Variants in POLD1 observed in about 807,000 individuals in gnomAD.
POLD1 encodes the protein DNA polymerase delta catalytic subunit.
A neutral mutation model predicts 129.7 loss-of-function variants in POLD1; 79 were observed. The observed-to-expected ratio is 0.61, with a 90% CI of 0.51 to 0.73. POLD1 has a LOEUF of 0.73. POLD1 is among the 30% of genes least tolerant of loss of function. The probability of loss-of-function intolerance (pLI) is 0.00; values close to 1 mark genes in which losing one functional copy is unlikely to be tolerated. For synonymous variants in POLD1, 714 were observed against 683.3 expected, an observed-to-expected ratio of 1.04 and a Z score of -0.70; for missense variants, 1,338 against 1,595.8, an observed-to-expected ratio of 0.84 and a Z score of 2.75.
chr19:50,387,203 G>A (rs2123705936), intron 1 of POLD1, among the ~76,000 whole-genome samples: 1 of 152,124 alleles, frequency 6.6e-6, no homozygotes, highest in East Asian at 1.9e-4. Context: ...TGTAATCCCA[G>A]CTACCTGCGA....
chr19:50,396,653 T>C (rs549304765), intron 1 of POLD1, among the ~76,000 whole-genome samples: 77 of 151,716 alleles, frequency 5.1e-4, no homozygotes, highest in Non-Finnish European at 9.3e-4. Context: ...AATTTTTTTG[T>C]ATTTTTTTAG....
At chr19:50,389,021 T>A (rs2038063013) in intron 1 of POLD1, among the ~76,000 whole-genome samples, 1 of 151,784 alleles carries the variant, frequency 6.6e-6, no homozygotes, top group Non-Finnish European at 1.5e-5. Context: ...TTAGTAAAGA[T>A]GGGGTTTCAC....
In POLD1 at chr19:50,417,823, C is replaced by CCCTGA; in HGVS notation, c.3219-17_3219-16insTGACC. On this transcript the variant is annotated intron_variant, in intron 26 of 26. Coordinates refer to ENST00000440232, the MANE Select transcript of POLD1 (RefSeq NM_002691.4). ...TGGGCCTTGGCTGGTCCTGACCCTGCCCCTGCCCCCACCCGCAGCCGGGAC... is the reference window on the plus strand; with the variant it reads ...TGGGCCTTGGCTGGTCCTGACCCTGCCCTGACCCTGCCCCCACCCGCAGCCGGGAC... 3 of 1,523,486 alleles carry CCCTGA rather than the reference C, an allele frequency of 2.0e-6. No individual in the cohort carries two copies. The highest frequency in any genetic ancestry group is 1.4e-5 in the African/African-American group (1 of 72,336). The allele number at this position is 1,523,486 out of a possible 1,614,324, so 94.4% of individuals were successfully genotyped here.
At chr19:50,416,950 G>T in intron 24 of POLD1, 95 bp from the exon 25 acceptor site, 1 of 1,333,954 alleles carries the variant, frequency 7.5e-7, no homozygotes, top group South Asian at 1.4e-5. Flanking sequence ...CCAGCCTCTG[G>T]GGACTTTCAG....
At chr19:50,416,954 C>T in intron 24 of POLD1, 91 bp from the exon 25 acceptor site, 1 of 1,363,980 alleles carries the variant, frequency 7.3e-7, no homozygotes, top group Non-Finnish European at 9.9e-7. Context: ...CCTCTGGGGA[C>T]TTTCAGAAGC....
In POLD1 at chr19:50,409,682, C is replaced by T. The variant is rs545333156; in HGVS notation, c.2154+16C>T. 6.3e-6 allele frequency: 10 copies of T among 1,586,264 alleles called. No individual in the cohort carries two copies. In the South Asian group the frequency reaches 1.0e-4, roughly 16 times the overall value. Reference sequence around the variant, plus strand: ...GATCTCACAGGTGGGCACTCGGGCCCCTGGAAGGCAACTGGGGGCAGGTGG... The same window carrying T: ...GATCTCACAGGTGGGCACTCGGGCCTCTGGAAGGCAACTGGGGGCAGGTGG... On this transcript the variant is annotated intron_variant, in intron 17 of 26. Transcript: ENST00000440232. The surrounding 1 kb of genome is among the most constrained non-coding windows in gnomAD (Gnocchi z 5.8).
chr19:50,417,832 C>T lies in POLD1; in HGVS notation c.3219-10C>T, dbSNP rs1189855264. 5.7e-6 allele frequency: 9 copies of T among 1,573,986 alleles called. No individual in the cohort carries two copies. Among genetic ancestry groups the T allele is most frequent in the African/African-American group, 1.4e-5 (1 of 74,016 alleles). ...GCTGGTCCTGACCCTGCCCCTGCCC[C>T]CACCCGCAGCCGGGACTGCCCCATC... On this transcript the variant is annotated splice_polypyrimidine_tract_variant and intron_variant, in intron 26 of 26. Transcript: ENST00000440232.
In POLD1 at chr19:50,406,649, A is replaced by T. The variant is rs948462986; in HGVS notation, c.1494+132A>T. The stretch of plus-strand genomic sequence containing the variant: ...ACCTGCTGTTATGACCTGTGACCTT[A>T]CCTGACGCCCACTTTTTCCTGACCT... On this transcript the variant is annotated intron_variant, in intron 12 of 26. Coordinates refer to ENST00000440232, the MANE Select transcript of POLD1 (RefSeq NM_002691.4). The surrounding 1 kb of genome is among the most constrained non-coding windows in gnomAD (Gnocchi z 5.5). 7.1e-6 allele frequency: 5 copies of T among 699,336 alleles called. No homozygotes were observed. Among genetic ancestry groups the T allele is most frequent in the African/African-American group, 5.3e-5 (3 of 56,684 alleles). 43.3% of individuals were successfully genotyped at this position (699,336 alleles called of 1,614,324 possible). A position where few individuals can be genotyped will look rare whatever the true frequency, so the allele number is the denominator to read the frequency against.
chr19:50,416,232 GCCCAGAGACTCCGTGA>G (rs1476202565), intron 22 of POLD1, 148 bp from the exon 23 acceptor site: 34 of 663,582 alleles, frequency 5.1e-5, no homozygotes, highest in Non-Finnish European at 8.2e-5. Context: ...AGACTCTGTG[GCCCAGAGACTCCGTGA>G]CCTCCGACCC....
chr19:50,396,445 A>G (rs991262778), intron 1 of POLD1, among the ~76,000 whole-genome samples: 1 of 149,864 alleles, frequency 6.7e-6, no homozygotes, highest in Admixed American at 6.6e-5. Context: ...AGGATATTGT[A>G]TATCTTGTCA....
At chr19:50,396,462 A>G (rs1053327000) in intron 1 of POLD1, among the ~76,000 whole-genome samples, 14 of 143,768 alleles carry the variant, frequency 9.7e-5, no homozygotes, top group Middle Eastern at 3.8e-3. Flanking sequence ...GTCAAAATAC[A>G]CCCCCAAAAT....
At chr19:50,400,211 A>ATTTTTTTTTTTTTT (rs549820323) in intron 3 of POLD1, among the ~76,000 whole-genome samples, 15 of 67,810 alleles carry the variant, frequency 2.2e-4, no homozygotes, top group African/African-American at 1.0e-3. Flanking sequence ...CTGGCCAATA[A>ATTTTTTTTTTTTTT]TTTTTTTTTT....
At position 50,417,877 on chromosome 19, in the gene POLD1, T is replaced by C; in HGVS notation, c.3254T>C (p.Val1085Ala). The C allele has an allele frequency of 6.2e-7, 1 of 1,610,268 alleles. No individual in the cohort carries two copies. The highest frequency in any genetic ancestry group is 8.5e-7 in the Non-Finnish European group (1 of 1,178,620). Residue 1085 changes from valine (V) to alanine (A), a missense_variant, in exon 27 of 27, where the codon GTG becomes GCG. Physicochemically the swap from Val to Ala is moderately conservative, Grantham distance 64. Transcript: ENST00000440232. ...CCCATCTTCTACATGCGCAAGAAGG[T>C]GCGGAAGGACCTGGAAGACCAGGAG... Reference protein sequence around the residue: ...DCPIFYMRKKVRKDLEDQEQL... With the variant: ...DCPIFYMRKKARKDLEDQEQL...
In POLD1 at chr19:50,406,932, ACCT is replaced by A; in HGVS notation, c.1495-48_1495-46del. ...GACCCCCACTTCCTTCTCCTGCTCC[ACCT>A]CCCACCCCCAACCCCTGGTCCCTGA... On this transcript the variant is annotated intron_variant, in intron 12 of 26. Transcript: ENST00000440232. The surrounding 1 kb of genome is among the most constrained non-coding windows in gnomAD (Gnocchi z 5.5). 9.2e-7 allele frequency: 1 copy of A among 1,091,718 alleles called. No homozygotes were observed. The highest frequency in any genetic ancestry group is 1.2e-6 in the Non-Finnish European group (1 of 804,716). 67.6% of individuals were successfully genotyped at this position (1,091,718 alleles called of 1,614,324 possible). A position where few individuals can be genotyped will look rare whatever the true frequency, so the allele number is the denominator to read the frequency against.
At chr19:50,389,104 T>C (rs2038065441) in intron 1 of POLD1, among the ~76,000 whole-genome samples, 1 of 151,790 alleles carries the variant, frequency 6.6e-6, no homozygotes, top group Admixed American at 6.6e-5. Context: ...GTGCTGGGAT[T>C]ACAGGCATGA....
intron 2 of POLD1, 24 bp downstream of exon 2, chr19:50,399,077 C>G: frequency 6.4e-7 from 1 of 1,550,536 alleles, no homozygotes; most frequent in Non-Finnish European, 8.7e-7. Context: ...TTGGAGGTTC[C>G]TGCTGCCCAA....
chr19:50,413,638 G>A, intron 18 of POLD1, 104 bp from the exon 19 acceptor site: 2 of 1,536,070 alleles, frequency 1.3e-6, no homozygotes, highest in South Asian at 1.2e-5. Flanking sequence ...CTCTCCTGTT[G>A]CATCCTTGGG....
At chr19:50,407,288 A>C (rs2122343019) in intron 13 of POLD1, 39 bp from the exon 14 acceptor site, 7 of 1,581,288 alleles carry the variant, frequency 4.4e-6, no homozygotes, top group Non-Finnish European at 6.1e-6. Context: ...GCACGGCCCC[A>C]CCTATACCCA....
chr19:50,406,846 C>T lies in POLD1; in HGVS notation c.1495-137C>T, dbSNP rs957280286. ...ACCTCCATCCCCACCCAGACCCTGA[C>T]GACTTGGAGGGCCCTCCTGCCCGCC... On this transcript the variant is annotated intron_variant, in intron 12 of 26. Transcript: ENST00000440232. The surrounding 1 kb of genome is among the most constrained non-coding windows in gnomAD (Gnocchi z 5.5). 6.2e-5 allele frequency: 43 copies of T among 697,658 alleles called. No homozygotes were observed. Among genetic ancestry groups the T allele is most frequent in the African/African-American group, 3.9e-4 (22 of 56,150 alleles). 43.2% of individuals were successfully genotyped at this position (697,658 alleles called of 1,614,324 possible).
Sources: gnomAD v4.1 joint callset for allele counts (sites outside exome capture counted in the v4.1 genomes callset) on GRCh38, gnomAD v4.1.1 for gene constraint, Gnocchi (gnomAD v3.1) non-coding constraint, MANE v1.5 for transcripts, NCBI Gene and HGNC (gene_info 2026-07-23, HGNC 2026-07-21) for gene names.